The following SLC4A7 variants were observed in gnomAD, a reference collection of about 807,000 sequenced individuals.
SLC4A7 encodes the protein sodium bicarbonate cotransporter 3.
A neutral mutation model predicts 137.6 loss-of-function variants in SLC4A7; 51 were observed. That is an observed-to-expected ratio of 0.37 (90% CI 0.30 to 0.47). The LOEUF (loss-of-function observed/expected upper bound fraction) is 0.47. SLC4A7 is among the 20% of genes least tolerant of loss of function. The pLI is 1.00. For synonymous variants in SLC4A7, 542 were observed against 518.6 expected (o/e 1.05, Z -0.61); for missense variants, 1,247 against 1,525.4 (o/e 0.82, Z 3.04).
intron 1 of SLC4A7, among the ~76,000 whole-genome samples, chr3:27,468,934 C>G (rs2059122848): frequency 2.0e-5 from 3 of 152,006 alleles, no homozygotes. Flanking sequence ...ACGCAAAATG[C>G]TGTCTCTACT....
At chr3:27,452,641 T>A in intron 1 of SLC4A7, 143 bp from the exon 2 acceptor site, 1 of 460,478 alleles carries the variant, frequency 2.2e-6, no homozygotes, top group East Asian at 3.5e-5. Flanking sequence ...TTGCATTCTT[T>A]TAAAATTATG....
intron 1 of SLC4A7, among the ~76,000 whole-genome samples, chr3:27,463,382 A>C (rs1343204181): frequency 6.6e-6 from 1 of 152,168 alleles, no homozygotes; most frequent in Non-Finnish European, 1.5e-5. Context: ...GTGAGCTGAG[A>C]TCGCACCACT....
intron 10 of SLC4A7, among the ~76,000 whole-genome samples, chr3:27,420,090 G>A (rs2150290685): frequency 6.6e-6 from 1 of 151,964 alleles, no homozygotes; most frequent in East Asian, 1.9e-4. Context: ...TCGGGAGGCT[G>A]AGGCAGGAGA....
intron 1 of SLC4A7, chr3:27,456,789 G>A (rs35895592): frequency 1.3e-6 from 2 of 1,511,200 alleles, no homozygotes; most frequent in Non-Finnish European, 1.8e-6. Context: ...GCTTTGCAGA[G>A]ATGAATTCTT....
chr3:27,385,838 G>C (rs1378797708), intron 23 of SLC4A7, 54 bp downstream of exon 23: 1 of 1,249,528 alleles, frequency 8.0e-7, no homozygotes, highest in South Asian at 1.4e-5. Context: ...CTGCAATATG[G>C]TGCAAAATAT....
At chr3:27,448,121 A>G (rs1174169045) in intron 3 of SLC4A7, among the ~76,000 whole-genome samples, 1 of 151,774 alleles carries the variant, frequency 6.6e-6, no homozygotes, top group Non-Finnish European at 1.5e-5. Context: ...CTGAGGCACA[A>G]GAATCGCTTG....
chr3:27,423,780 C>T (rs913812437), intron 8 of SLC4A7: 1 of 351,906 alleles, frequency 2.8e-6, no homozygotes, highest in East Asian at 5.5e-5. Context: ...ATGGAAATAT[C>T]GTATTATTCA....
At chr3:27,429,391 T>G (rs146639119) in intron 7 of SLC4A7, among the ~76,000 whole-genome samples, 1 of 152,258 alleles carries the variant, frequency 6.6e-6, no homozygotes, top group African/African-American at 2.4e-5. Flanking sequence ...TCAAGGTAAA[T>G]TTGGATTAAA....
At chr3:27,387,647 G>C (rs2051112005) in intron 22 of SLC4A7, among the ~76,000 whole-genome samples, 1 of 152,096 alleles carries the variant, frequency 6.6e-6, no homozygotes, top group South Asian at 2.1e-4. Context: ...TACTGTTATT[G>C]ATTGAATTTT....
rs1482482897 is a variant in SLC4A7, at chr3:27,396,833, T to C, written c.2703+851A>G. Among the ~76,000 whole-genome samples the C allele has an allele frequency of 3.3e-5, 5 of 152,178 alleles. No individual in the cohort carries two copies. The East Asian group carries it at 9.6e-4, about 29-fold the overall frequency. On this transcript the variant is annotated intron_variant, in intron 18 of 25. Transcript: ENST00000454389. ...AAACAAAAACAGAGCAGAAGGAAAA[T>C]GAATATATTCAAATCTGCTAATGAA...
intron 1 of SLC4A7, among the ~76,000 whole-genome samples, chr3:27,458,276 T>C (rs1260181013): frequency 6.6e-6 from 1 of 152,204 alleles, no homozygotes; most frequent in East Asian, 1.9e-4. Context: ...ATAGATGATA[T>C]TTAATATTTT....
chr3:27,451,218 G>C (rs1402712038), intron 2 of SLC4A7, among the ~76,000 whole-genome samples: 1 of 151,616 alleles, frequency 6.6e-6, no homozygotes, highest in Non-Finnish European at 1.5e-5. Context: ...ATCAAACTTT[G>C]TTTCTCTGTC....
intron 3 of SLC4A7, among the ~76,000 whole-genome samples, chr3:27,447,569 G>C (rs2057752420): frequency 6.6e-6 from 1 of 150,910 alleles, no homozygotes; most frequent in Non-Finnish European, 1.5e-5. Context: ...TGTACAGATG[G>C]CCTTATACTA....
chr3:27,409,521 A>C lies in SLC4A7; in HGVS notation c.1776T>G (p.Gly592=). 6.2e-7 allele frequency: 1 copy of C among 1,611,650 alleles called. No individual in the cohort carries two copies. The highest frequency in any genetic ancestry group is 8.5e-7 in the Non-Finnish European group (1 of 1,178,862). ...PELQRTGRLF[G]GLILDIKRKA... ...TCCTTTTGATGTCAAGTATCAAACC[A>C]CCAAAAAGCCTAAATAGGTGAGATG... The change falls in exon 13 of 26, where the codon GGT becomes GGG. Residue 592 remains glycine, a synonymous_variant. Coordinates refer to ENST00000454389, the MANE Select transcript of SLC4A7 (RefSeq NM_001321103.2).
chr3:27,443,203 TA>T (rs1316017262), intron 3 of SLC4A7, among the ~76,000 whole-genome samples: 1 of 151,640 alleles, frequency 6.6e-6, no homozygotes, highest in Non-Finnish European at 1.5e-5. Flanking sequence ...GCTAATTTTT[TA>T]TTTTTAGTAG....
chr3:27,409,533 A>G lies in SLC4A7; in HGVS notation c.1767-3T>C, dbSNP rs1156622637. ...CAAGTATCAAACCACCAAAAAGCCT[A>G]AATAGGTGAGATGAAACTCGTCAAA... On this transcript the variant is annotated splice_polypyrimidine_tract_variant and splice_region_variant and intron_variant, in intron 12 of 25. Transcript: ENST00000454389. 6.2e-7 allele frequency: 1 copy of G among 1,609,336 alleles called. No homozygotes were observed. The highest frequency in any genetic ancestry group is 1.1e-5 in the South Asian group (1 of 90,406).
At chr3:27,416,288 A>T (rs917986515) in intron 11 of SLC4A7, among the ~76,000 whole-genome samples, 3 of 152,206 alleles carry the variant, frequency 2.0e-5, no homozygotes, top group African/African-American at 7.2e-5. Flanking sequence ...AGTAACTATG[A>T]AATTACAATG....
intron 5 of SLC4A7, among the ~76,000 whole-genome samples, chr3:27,434,589 C>T (rs2056589403): frequency 6.6e-6 from 1 of 152,108 alleles, no homozygotes; most frequent in Non-Finnish European, 1.5e-5. Flanking sequence ...TTTCTGCTCT[C>T]TTCGAGAGGT....
At position 27,384,074 on chromosome 3, in the gene SLC4A7, G is replaced by C. The variant is rs527828668; in HGVS notation, c.3493-824C>G. Among the ~76,000 whole-genome samples the C allele has an allele frequency of 2.0e-5, 3 of 152,208 alleles. No homozygotes were observed. The East Asian group carries it at 5.8e-4, about 29-fold the overall frequency. On this transcript the variant is annotated intron_variant, in intron 23 of 25. Transcript: ENST00000454389. ...TGTTAATAATGGCGGTGATCGATAGGACAGTAGAGGAGACACTGAGAGAAC... is the reference window on the plus strand; with the variant it reads ...TGTTAATAATGGCGGTGATCGATAGCACAGTAGAGGAGACACTGAGAGAAC...
Sources: allele counts gnomAD v4.1 joint callset (sites outside exome capture counted in the v4.1 genomes callset), GRCh38; gene constraint gnomAD v4.1.1; transcripts MANE v1.5; gene names NCBI Gene and HGNC (gene_info 2026-07-23, HGNC 2026-07-21).